The following STOM variants were observed in gnomAD, a reference collection of about 807,000 sequenced individuals.
The protein encoded by STOM is erythrocyte band 7 integral membrane protein.
A neutral mutation model predicts 30.6 loss-of-function variants in STOM; 25 were observed. The observed-to-expected ratio is 0.82, with a 90% CI of 0.60 to 1.14. The LOEUF is 1.14. STOM is among the 50% of genes most tolerant of loss of function. STOM has a pLI of 0.00. For missense variants in STOM, 292 were observed against 365.2 expected (o/e 0.80, Z 1.63); for synonymous variants, 118 against 130.8 (o/e 0.90, Z 0.67).
Position 121,340,407 on chromosome 9 carries a change from T to C in STOM, c.*795A>G, listed in dbSNP as rs183788097. 1.0e-6 allele frequency: 1 copy of C among 985,364 alleles called. No individual in the cohort carries two copies. The highest frequency in any genetic ancestry group is 1.1e-4 in the East Asian group (1 of 8,822). The allele number at this position is 985,364 out of a possible 1,614,324, so 61.0% of individuals were successfully genotyped here. The stretch of plus-strand genomic sequence containing the variant: ...ATTATTCTGAAACACGGTCTGGATT[T>C]AGAAAATAAATGAACATTAGGGAAA... On this transcript the variant is annotated 3_prime_UTR_variant, in exon 7 of 7. Transcript: ENST00000286713.
rs538191484 is a variant in STOM at position 121,341,351 on chromosome 9, C to A, written c.718G>T (p.Val240Phe). The A allele has an allele frequency of 6.2e-7, 1 of 1,614,046 alleles. No individual in the cohort carries two copies. Among genetic ancestry groups the A allele is most frequent in the Non-Finnish European group, 8.5e-7 (1 of 1,180,026 alleles). ...AGGGCTGCAGGAGATTCAGTGATGA[C>A]CATGGAGGCTTCTTTCAGAGCCCTG... Reference protein sequence around the residue: ...ASRALKEASMVITESPAALQL... With the variant: ...ASRALKEASMFITESPAALQL... Residue 240 changes from valine to phenylalanine, a missense_variant, in exon 7 of 7, where the codon GTC (valine) becomes TTC (phenylalanine). Transcript: ENST00000286713.
At chr9:121,366,959 T>C (rs975359744) in intron 1 of STOM, among the ~76,000 whole-genome samples, 1 of 150,904 alleles carries the variant, frequency 6.6e-6, no homozygotes, top group Non-Finnish European at 1.5e-5. Context: ...TGGTGGTGCA[T>C]ACCTGTAGTC....
chr9:121,347,836 T>C (rs796486585), intron 6 of STOM, among the ~76,000 whole-genome samples, 179 bp downstream of exon 6: 3 of 152,344 alleles, frequency 2.0e-5, no homozygotes, highest in African/African-American at 7.2e-5. Context: ...TACACTCAAC[T>C]GTTAGGAGTG....
At chr9:121,358,152 AAAT>A (rs895539302) in intron 1 of STOM, among the ~76,000 whole-genome samples, 2 of 150,378 alleles carry the variant, frequency 1.3e-5, no homozygotes, top group Non-Finnish European at 3.0e-5. Flanking sequence ...AAAAAAAAAA[AAAT>A]AATAATAATA....
At chr9:121,355,971 C>T in intron 2 of STOM, 82 bp downstream of exon 2, 1 of 939,858 alleles carries the variant, frequency 1.1e-6, no homozygotes, top group South Asian at 1.7e-5. Context: ...GTTTCTTTCT[C>T]ACATACACAC....
intron 1 of STOM, among the ~76,000 whole-genome samples, chr9:121,368,410 T>C (rs1405802324): frequency 1.3e-5 from 2 of 152,194 alleles, no homozygotes; most frequent in African/African-American, 4.8e-5. Flanking sequence ...GAGGAATGCA[T>C]GCTAATACCC....
chr9:121,349,233 T>G lies in STOM; in HGVS notation c.412A>C (p.Asn138His). The G allele has an allele frequency of 6.2e-7, 1 of 1,614,216 alleles. No individual in the cohort carries two copies. Among genetic ancestry groups the G allele is most frequent in the Non-Finnish European group, 8.5e-7 (1 of 1,180,026 alleles). ...NATLAVANIT[N>H]ADSATRLLAQ... ...AAAAGACGGGTTGCTGAGTCAGCGT[T>G]GGTGATATTTGCCACAGCCAGGGTT... The change falls in exon 5 of 7, where the codon AAC becomes CAC. Residue 138 changes from asparagine to histidine, a missense_variant. Asn to His is a moderately conservative substitution (Grantham distance 68). Coordinates refer to ENST00000286713, the MANE Select transcript of STOM (RefSeq NM_004099.6).
intron 4 of STOM, among the ~76,000 whole-genome samples, chr9:121,352,155 T>C (rs2064345242): frequency 6.6e-6 from 1 of 152,258 alleles, no homozygotes; most frequent in Non-Finnish European, 1.5e-5. Flanking sequence ...AAGTCTCTTA[T>C]ATACAGTGGC....
chr9:121,362,973 C>G (rs765827102), intron 1 of STOM, among the ~76,000 whole-genome samples: 1 of 152,164 alleles, frequency 6.6e-6, no homozygotes, highest in African/African-American at 2.4e-5. Context: ...GATCTATTAA[C>G]CTTAGCACTA....
chr9:121,365,259 C>CT (rs2064491796), intron 1 of STOM, among the ~76,000 whole-genome samples: 2 of 151,776 alleles, frequency 1.3e-5, no homozygotes, highest in Admixed American at 6.6e-5. Context: ...CAAGTATTTT[C>CT]TTTTTAAAAA....
At chr9:121,350,615 G>A (rs749486292) in intron 4 of STOM, among the ~76,000 whole-genome samples, 2 of 152,194 alleles carry the variant, frequency 1.3e-5, no homozygotes, top group Admixed American at 6.5e-5. Context: ...CAGGTCCCTG[G>A]ATGGCCTCTA....
chr9:121,366,913 C>A (rs1268645300), intron 1 of STOM, among the ~76,000 whole-genome samples: 1 of 150,144 alleles, frequency 6.7e-6, no homozygotes, highest in Non-Finnish European at 1.5e-5. Context: ...CATAGTGAGA[C>A]CCTGAGTTAA....
chr9:121,354,282 A>G (rs1252454007), intron 3 of STOM, among the ~76,000 whole-genome samples: 1 of 152,240 alleles, frequency 6.6e-6, no homozygotes, highest in East Asian at 1.9e-4. Context: ...AACCACTGCT[A>G]TTGTTATACA....
At chr9:121,344,902 A>G (rs2064276530) in intron 6 of STOM, among the ~76,000 whole-genome samples, 1 of 152,252 alleles carries the variant, frequency 6.6e-6, no homozygotes, top group Non-Finnish European at 1.5e-5. Context: ...GGCCACTAAG[A>G]GCTGGTCTAA....
intron 4 of STOM, among the ~76,000 whole-genome samples, chr9:121,350,924 T>C (rs997625471): frequency 8.5e-5 from 13 of 152,354 alleles, no homozygotes; most frequent in African/African-American, 2.9e-4. Flanking sequence ...TACCATCTTG[T>C]ATGAAAACTA....
At chr9:121,342,706 A>T (rs1040201806) in intron 6 of STOM, among the ~76,000 whole-genome samples, 1 of 152,218 alleles carries the variant, frequency 6.6e-6, no homozygotes, top group East Asian at 1.9e-4. Flanking sequence ...AGTTTTATTT[A>T]AAAATGTCAA....
chr9:121,339,871 T>C lies in STOM; in HGVS notation c.*1331A>G, dbSNP rs2064230699. 8.7e-7 allele frequency: 1 copy of C among 1,154,492 alleles called. No individual in the cohort carries two copies. Among genetic ancestry groups the C allele is most frequent in the African/African-American group, 1.6e-5 (1 of 62,608 alleles). 71.5% of individuals were successfully genotyped at this position (1,154,492 alleles called of 1,614,324 possible). ...TAGATATTGTAAGTTTGACAGTATC[T>C]GCCCAAGATCATTAGACACTATATA... is the stretch of plus-strand genomic sequence containing the variant. On this transcript the variant is annotated 3_prime_UTR_variant, in exon 7 of 7. Coordinates refer to ENST00000286713, the MANE Select transcript of STOM (RefSeq NM_004099.6).
intron 4 of STOM, among the ~76,000 whole-genome samples, chr9:121,352,094 T>A (rs1359697225): frequency 6.6e-6 from 1 of 152,186 alleles, no homozygotes; most frequent in African/African-American, 2.4e-5. Flanking sequence ...TCGGTATCTG[T>A]GGGAGATTGA....
chr9:121,369,461 G>A (rs2064540005), intron 1 of STOM, among the ~76,000 whole-genome samples: 1 of 141,598 alleles, frequency 7.1e-6, no homozygotes, highest in South Asian at 2.6e-4. Flanking sequence ...CTGCCTTGAA[G>A]ACTGGGAAGG....
Sources: gnomAD v4.1 joint callset for allele counts (sites outside exome capture counted in the v4.1 genomes callset) on GRCh38, gnomAD v4.1.1 for gene constraint, MANE v1.5 for transcripts, NCBI Gene and HGNC (gene_info 2026-07-23, HGNC 2026-07-21) for gene names.